The following GPRIN3 variants were observed in gnomAD, a reference collection of about 807,000 sequenced individuals.
GPRIN3 encodes GPRIN family member 3.
GPRIN3 carries 12 observed loss-of-function variants against 13.7 expected under a neutral mutation model. The ratio of observed to expected loss-of-function variants is 0.87; its 90% CI spans 0.56 to 1.42. The LOEUF is 1.42. Among genes scored for constraint, GPRIN3 ranks in the 40% most tolerant of loss-of-function variants. The probability of loss-of-function intolerance (pLI) is 0.00; values close to 1 mark genes in which losing one functional copy is unlikely to be tolerated. For synonymous variants in GPRIN3, 377 were observed against 372.7 expected (o/e 1.01, Z -0.13); for missense variants, 1,009 against 958.7 (o/e 1.05, Z -0.69).
In GPRIN3 at chr4:89,249,340, G is replaced by A. The variant is rs1159519292; in HGVS notation, c.771C>T (p.Pro257=). Reference sequence around the variant, plus strand: ...GAGGTGTCACAGAAGTTGTGCCTTGGGGGCCCGAGGCAGTGACAGAGGGCT... The same window carrying A: ...GAGGTGTCACAGAAGTTGTGCCTTGAGGGCCCGAGGCAGTGACAGAGGGCT... ...NKQPSVTASG[P]QGTTSVTPQP... The change falls in exon 2 of 2, where the codon CCC becomes CCT. Residue 257 remains proline, a synonymous_variant. Transcript: ENST00000609438. 1 of 1,614,088 alleles carries A rather than the reference G, an allele frequency of 6.2e-7. No individual in the cohort carries two copies. Among genetic ancestry groups the A allele is most frequent in the Admixed American group, 1.7e-5 (1 of 60,026 alleles).
intron 1 of GPRIN3, among the ~76,000 whole-genome samples, chr4:89,304,593 ATTTCTCT>A: frequency 6.6e-6 from 1 of 152,068 alleles, no homozygotes. Flanking sequence ...TACTGTAACT[ATTTCTCT>A]CATTTAAAAA....
rs896487685 is a variant in GPRIN3 at position 89,264,822 on chromosome 4, A to G, written c.-123-14589T>C. On this transcript the variant is annotated intron_variant, in intron 1 of 1. Coordinates refer to ENST00000609438, the MANE Select transcript of GPRIN3 (RefSeq NM_198281.3). ...TGAAATTACTATTTTTTTCCATAAC[A>G]TTAATCACCTAAAATACCAAAACAT... Among the ~76,000 whole-genome samples, 7 of 152,172 alleles carry G rather than the reference A, an allele frequency of 4.6e-5. No individual in the cohort carries two copies. The South Asian group carries it at 6.2e-4, about 13-fold the overall frequency.
Position 89,253,078 on chromosome 4 carries a change from T to G in GPRIN3, c.-123-2845A>C, listed in dbSNP as rs144873995. ...GTCGTCTGTGTCCTTTGTATTGTTC[T>G]TTTCATGCACTGTTTTCGCACCATT... On this transcript the variant is annotated intron_variant, in intron 1 of 1. Coordinates refer to ENST00000609438, the MANE Select transcript of GPRIN3 (RefSeq NM_198281.3). Among the ~76,000 whole-genome samples, 308 of 152,062 alleles carry G rather than the reference T, an allele frequency of 2.0e-3. 7 individuals carry two copies. In the East Asian group the frequency reaches 0.045, roughly 22 times the overall value.
In GPRIN3 at chr4:89,248,972, TG is replaced by T; in HGVS notation, c.1138del (p.Gln380ArgfsTer61). 2.5e-6 allele frequency: 4 copies of T among 1,614,130 alleles called. No individual in the cohort carries two copies. Among genetic ancestry groups the T allele is most frequent in the Non-Finnish European group, 3.4e-6 (4 of 1,180,004 alleles). Reference protein sequence around the residue: ...LELSDSTLAPQESSQCPGIMP... With the variant: ...LELSDSTLAPXESSQCPGIMP... Reference sequence around the variant, plus strand: ...GATGCCAGGGCACTGGCTGGACTCCTGGGGGGCTAGCGTGCTGTCAGAGAGC... The same window carrying T: ...GATGCCAGGGCACTGGCTGGACTCCTGGGGGCTAGCGTGCTGTCAGAGAGC... On this transcript the variant is annotated frameshift_variant, in exon 2 of 2. Transcript: ENST00000609438. LOFTEE classifies it low-confidence loss of function (END_TRUNC).
At position 89,249,344 on chromosome 4, in the gene GPRIN3, C is replaced by T. The variant is rs1723241303; in HGVS notation, c.767G>A (p.Gly256Asp). Residue 256 changes from glycine (G) to aspartate (D), a missense_variant, in exon 2 of 2, where the codon GGC (glycine) becomes GAC (aspartate). Gly to Asp is a moderately conservative substitution (Grantham distance 94, BLOSUM62 -1). Transcript: ENST00000609438. ...TGTCACAGAAGTTGTGCCTTGGGGG[C>T]CCGAGGCAGTGACAGAGGGCTGCTT... ...ENKQPSVTASGPQGTTSVTPQ... is the reference protein window; with the variant it reads ...ENKQPSVTASDPQGTTSVTPQ... The T allele has an allele frequency of 1.9e-6, 3 of 1,613,918 alleles. No homozygotes were observed. Among genetic ancestry groups the T allele is most frequent in the Non-Finnish European group, 2.5e-6 (3 of 1,180,014 alleles).
rs987262876 is a variant in GPRIN3 at position 89,248,536 on chromosome 4, C to T, written c.1575G>A (p.Gly525=). The T allele has an allele frequency of 1.9e-6, 3 of 1,613,254 alleles. No homozygotes were observed. In the African/African-American group the frequency reaches 4.0e-5, roughly 22 times the overall value. Residue 525 remains glycine (G), a synonymous_variant, in exon 2 of 2, where the codon GGG becomes GGA. Coordinates refer to ENST00000609438, the MANE Select transcript of GPRIN3 (RefSeq NM_198281.3). ...CGSISKADHS[G]SLDPTNKGDA... The stretch of plus-strand genomic sequence containing the variant: ...CTCCTTTATTAGTGGGATCCAAGCT[C>T]CCAGAATGATCAGCTTTGCTGATAG...
At chr4:89,280,994 G>C (rs1724231515) in intron 1 of GPRIN3, among the ~76,000 whole-genome samples, 2 of 152,136 alleles carry the variant, frequency 1.3e-5, no homozygotes, top group Admixed American at 6.5e-5. Flanking sequence ...GGGAAGCGTG[G>C]TGCTGGCATC....
intron 1 of GPRIN3, among the ~76,000 whole-genome samples, chr4:89,303,768 T>C (rs1000540485): frequency 3.4e-5 from 5 of 149,188 alleles, no homozygotes; most frequent in African/African-American, 7.3e-5. Flanking sequence ...TATATTTATA[T>C]ATAAAAAATA....
At chr4:89,294,309 G>C (rs1175728674) in intron 1 of GPRIN3, among the ~76,000 whole-genome samples, 2 of 152,186 alleles carry the variant, frequency 1.3e-5, no homozygotes, top group African/African-American at 4.8e-5. Context: ...CACTTTGGGA[G>C]GCAAAGGTGG....
intron 1 of GPRIN3, among the ~76,000 whole-genome samples, chr4:89,295,434 A>C (rs1724705412): frequency 6.6e-6 from 1 of 152,072 alleles, no homozygotes; most frequent in Non-Finnish European, 1.5e-5. Context: ...GAGGTCTAGA[A>C]CTCTGTAGCT....
At chr4:89,290,142 T>G (rs531237666) in intron 1 of GPRIN3, among the ~76,000 whole-genome samples, 45 of 151,778 alleles carry the variant, frequency 3.0e-4, no homozygotes, top group African/African-American at 1.1e-3. Flanking sequence ...GGCTAATTTC[T>G]GTATTTTTTG....
At chr4:89,272,856 A>G (rs1334974060) in intron 1 of GPRIN3, among the ~76,000 whole-genome samples, 1 of 152,238 alleles carries the variant, frequency 6.6e-6, no homozygotes, top group Non-Finnish European at 1.5e-5. Flanking sequence ...AAACTCACCA[A>G]ATTGATATGC....
chr4:89,277,344 G>A (rs1724122628), intron 1 of GPRIN3, among the ~76,000 whole-genome samples: 1 of 152,184 alleles, frequency 6.6e-6, no homozygotes, highest in African/African-American at 2.4e-5. Flanking sequence ...CCCCAAGGAG[G>A]GGTCTGCAGT....
chr4:89,254,501 T>G (rs1723415777), intron 1 of GPRIN3, among the ~76,000 whole-genome samples: 1 of 152,170 alleles, frequency 6.6e-6, no homozygotes, highest in Non-Finnish European at 1.5e-5. Flanking sequence ...GCTGCATTAG[T>G]TTGCTAAGGA....
chr4:89,273,790 C>G (rs941057207), intron 1 of GPRIN3, among the ~76,000 whole-genome samples: 1 of 152,202 alleles, frequency 6.6e-6, no homozygotes, highest in Non-Finnish European at 1.5e-5. Flanking sequence ...TATGACCTCA[C>G]GAACCTCCTG....
At chr4:89,304,210 C>A (rs1724975880) in intron 1 of GPRIN3, among the ~76,000 whole-genome samples, 1 of 152,174 alleles carries the variant, frequency 6.6e-6, no homozygotes, top group Non-Finnish European at 1.5e-5. Flanking sequence ...CTCAATCAGG[C>A]AATTATGCTA....
chr4:89,257,559 G>A (rs1206660341), intron 1 of GPRIN3, among the ~76,000 whole-genome samples: 1 of 152,126 alleles, frequency 6.6e-6, no homozygotes, highest in Non-Finnish European at 1.5e-5. Context: ...GTCTTACTAT[G>A]TGCCCTGCTT....
intron 1 of GPRIN3, among the ~76,000 whole-genome samples, chr4:89,288,463 A>G (rs531043768): frequency 6.6e-6 from 1 of 152,270 alleles, no homozygotes; most frequent in Admixed American, 6.5e-5. Context: ...CATAAATGCA[A>G]ACTTCTGGAG....
chr4:89,237,865 A>G lies in GPRIN3; in HGVS notation c.*9915T>C, dbSNP rs1021342021. ...GCTACTCAACATTGAAGATGTGAAG[A>G]ATGAGAACATTTGGCTGGAAACGGC... On this transcript the variant is annotated 3_prime_UTR_variant, in exon 2 of 2. Transcript: ENST00000609438. The G allele has an allele frequency of 6.6e-6, 1 of 152,192 alleles. No homozygotes were observed. The highest frequency in any genetic ancestry group is 2.4e-5 in the African/African-American group (1 of 41,442). The allele number at this position is 152,192 out of a possible 1,614,324, so 9.4% of individuals were successfully genotyped here.
Sources: allele counts gnomAD v4.1 joint callset (sites outside exome capture counted in the v4.1 genomes callset), GRCh38; gene constraint gnomAD v4.1.1; transcripts MANE v1.5; gene names NCBI Gene and HGNC (gene_info 2026-07-23, HGNC 2026-07-21).